Variants in MTA1 observed in about 807,000 individuals in gnomAD.
MTA1 encodes the protein metastasis-associated protein MTA1.
A neutral mutation model predicts 97.0 loss-of-function variants in MTA1; 15 were observed. The observed-to-expected ratio is 0.15, with a 90% CI of 0.10 to 0.24. The LOEUF is 0.24. Ranked by LOEUF, MTA1 falls within the 10% of genes least tolerant of loss-of-function variation. The pLI is 1.00. For missense variants in MTA1, 709 were observed against 1,015.1 expected (o/e 0.70, Z 4.10); for synonymous variants, 435 against 417.5 (o/e 1.04, Z -0.51).
chr14:105,438,195 G>C (rs1368136253), intron 1 of MTA1, among the ~76,000 whole-genome samples: 1 of 152,204 alleles, frequency 6.6e-6, no homozygotes, highest in Non-Finnish European at 1.5e-5. Context: ...GGGGGCCGCT[G>C]TGGGCAGGGC....
chr14:105,461,988 G>A (rs1319967015), intron 10 of MTA1, among the ~76,000 whole-genome samples: 3 of 152,232 alleles, frequency 2.0e-5, no homozygotes, highest in African/African-American at 7.2e-5. Context: ...CTCAGACCAG[G>A]GCGGAATTTG....
intron 1 of MTA1, among the ~76,000 whole-genome samples, chr14:105,427,526 C>A (rs2082048723): frequency 6.6e-6 from 1 of 152,132 alleles, no homozygotes; most frequent in Non-Finnish European, 1.5e-5. Flanking sequence ...TTATAAAGTT[C>A]TTTGACAGAA....
intron 3 of MTA1, among the ~76,000 whole-genome samples, chr14:105,446,739 C>T (rs955220971): frequency 3.3e-5 from 5 of 152,354 alleles, no homozygotes; most frequent in Admixed American, 2.0e-4. Flanking sequence ...CCAGTGGATG[C>T]GGACGTGAGC....
chr14:105,469,848 G>C lies in MTA1; in HGVS notation c.1853G>C (p.Ser618Thr). The change falls in exon 20 of 21, where the codon AGC (serine) becomes ACC (threonine). Residue 618 changes from serine (S) to threonine (T), a missense_variant. Physicochemically the swap from Ser to Thr is moderately conservative, Grantham distance 58. This residue lies in a region of MTA1 where 388 missense variants were observed against 421.6 expected (regional missense o/e 0.92). Coordinates refer to ENST00000331320, the MANE Select transcript of MTA1 (RefSeq NM_004689.4). Reference sequence around the variant, plus strand: ...AGTGCACCCCCTCTGCAGGGACCAAGCCGGAACCTCCTGCTCAACGGGAAG... The same window carrying C: ...AGTGCACCCCCTCTGCAGGGACCAACCCGGAACCTCCTGCTCAACGGGAAG... ...NHGQARHMGP[S>T]RNLLLNGKSY... 1 of 1,606,064 alleles carries C rather than the reference G, an allele frequency of 6.2e-7. No individual in the cohort carries two copies. Among genetic ancestry groups the C allele is most frequent in the Non-Finnish European group, 8.5e-7 (1 of 1,176,980 alleles).
intron 1 of MTA1, among the ~76,000 whole-genome samples, chr14:105,429,435 A>ATGTG (rs1555422928): frequency 6.6e-5 from 9 of 136,418 alleles, no homozygotes; most frequent in Admixed American, 5.3e-4. Flanking sequence ...ACAGGCACCC[A>ATGTG]CCACCACACC....
chr14:105,463,669 G>C lies in MTA1; in HGVS notation c.1076+118G>C. On this transcript the variant is annotated intron_variant, in intron 12 of 20. Transcript: ENST00000331320. This position sits in a 1 kb window ranked among gnomAD's most constrained non-coding sequence, Gnocchi z 5.9. ...TCAAGCTCAGAGGCTGGGAAAGTTG[G>C]GGCAGCCCCCGGGAGGGCGGCCCAG... The C allele has an allele frequency of 9.1e-7, 1 of 1,095,516 alleles. No individual in the cohort carries two copies. The highest frequency in any genetic ancestry group is 1.4e-6 in the Non-Finnish European group (1 of 737,078). The allele number at this position is 1,095,516 out of a possible 1,614,324, so 67.9% of individuals were successfully genotyped here. A position where few individuals can be genotyped will look rare whatever the true frequency, so the allele number is the denominator to read the frequency against.
chr14:105,453,798 C>T (rs2083036926), intron 6 of MTA1, among the ~76,000 whole-genome samples: 2 of 152,170 alleles, frequency 1.3e-5, no homozygotes, highest in African/African-American at 2.4e-5. Flanking sequence ...GCGACAAGAG[C>T]GAAACTCTGC....
chr14:105,464,009 C>T (rs199898053), intron 12 of MTA1, 23 bp from the exon 13 acceptor site: 20 of 1,610,444 alleles, frequency 1.2e-5, no homozygotes, highest in East Asian at 4.5e-5. Context: ...CAACTCCTCT[C>T]GTCTCTCCTT....
chr14:105,433,468 C>T (rs587708835), intron 1 of MTA1, among the ~76,000 whole-genome samples: 1 of 152,250 alleles, frequency 6.6e-6, no homozygotes, highest in African/African-American at 2.4e-5. Flanking sequence ...TGTTGGCAGG[C>T]AGGATGCTCC....
chr14:105,419,969 A>G lies in MTA1; in HGVS notation c.-67A>G. ...CCCCCGCCCCCGCCATCGCGCCTCC[A>G]TTTTCCCGGCCGCCCGCGCCGAGCG... On this transcript the variant is annotated 5_prime_UTR_variant, in exon 1 of 21. Coordinates refer to ENST00000331320, the MANE Select transcript of MTA1 (RefSeq NM_004689.4). 1.2e-6 allele frequency: 1 copy of G among 808,010 alleles called. No homozygotes were observed. The highest frequency in any genetic ancestry group is 1.4e-6 in the Non-Finnish European group (1 of 690,064). 50.1% of individuals were successfully genotyped at this position (808,010 alleles called of 1,614,324 possible). A position where few individuals can be genotyped will look rare whatever the true frequency, so the allele number is the denominator to read the frequency against.
At position 105,445,411 on chromosome 14, in the gene MTA1, G is replaced by A. The variant is rs1595344856; in HGVS notation, c.97-7G>A. On this transcript the variant is annotated splice_region_variant and splice_polypyrimidine_tract_variant and intron_variant, in intron 2 of 20. Coordinates refer to ENST00000331320, the MANE Select transcript of MTA1 (RefSeq NM_004689.4). ...GTTTCTCAGACGCCCCTGCCTTGCT[G>A]TTACAGACGGCCAATGGGAACGTGG... is the stretch of plus-strand genomic sequence containing the variant. 6.2e-7 allele frequency: 1 copy of A among 1,613,354 alleles called. No individual in the cohort carries two copies. The highest frequency in any genetic ancestry group is 8.5e-7 in the Non-Finnish European group (1 of 1,179,718).
intron 8 of MTA1, 110 bp downstream of exon 8, chr14:105,458,482 C>T: frequency 2.0e-6 from 2 of 979,488 alleles, no homozygotes; most frequent in Non-Finnish European, 3.1e-6. Context: ...CATATCCCAA[C>T]AAGAAGCCCA....
intron 2 of MTA1, among the ~76,000 whole-genome samples, chr14:105,440,112 A>G (rs2048293503): frequency 4.6e-5 from 7 of 152,194 alleles, no homozygotes; most frequent in Admixed American, 4.6e-4. Context: ...TTGGAGGCAC[A>G]GGCAATGACC....
rs1337019199 is a variant in MTA1, at chr14:105,470,481, GCGGGGCCTTTTGC to G, written c.*268_*280del. On this transcript the variant is annotated 3_prime_UTR_variant, in exon 21 of 21. Transcript: ENST00000331320. ...AGGGGCCACCCCGTGCCCCTGTGCT[GCGGGGCCTTTTGC>G]CCGGAGGCCGGGCCCTAAGGTTTTG... 2 of 408,834 alleles carry G rather than the reference GCGGGGCCTTTTGC, an allele frequency of 4.9e-6. No individual in the cohort carries two copies. The highest frequency in any genetic ancestry group is 9.1e-5 in the East Asian group (2 of 21,974). 25.3% of individuals were successfully genotyped at this position (408,834 alleles called of 1,614,324 possible).
chr14:105,422,928 C>T lies in MTA1; in HGVS notation c.28+2865C>T, dbSNP rs1198656261. On this transcript the variant is annotated intron_variant, in intron 1 of 20. Coordinates refer to ENST00000331320, the MANE Select transcript of MTA1 (RefSeq NM_004689.4). This position sits in a 1 kb window ranked among gnomAD's most constrained non-coding sequence, Gnocchi z 4.3. ...TGGCGGGGTCAGGGTTCCCTGACCT[C>T]TGCTTCTCAAGGGTTGTCCATCCCG... Among the ~76,000 whole-genome samples the T allele has an allele frequency of 6.6e-6, 1 of 152,176 alleles. No individual in the cohort carries two copies. The highest frequency in any genetic ancestry group is 1.5e-5 in the Non-Finnish European group (1 of 68,026).
At chr14:105,421,127 A>G (rs587670404) in intron 1 of MTA1, among the ~76,000 whole-genome samples, 101 of 151,932 alleles carry the variant, frequency 6.6e-4, no homozygotes, top group Non-Finnish European at 1.2e-3. Context: ...GGAGCCCCCT[A>G]CATCCCGTCT....
chr14:105,434,198 G>A (rs1440400589), intron 1 of MTA1, among the ~76,000 whole-genome samples: 1 of 152,130 alleles, frequency 6.6e-6, no homozygotes, highest in Non-Finnish European at 1.5e-5. Flanking sequence ...GTGGCCTCTT[G>A]GCCTGCACAG....
intron 6 of MTA1, among the ~76,000 whole-genome samples, chr14:105,450,958 G>C (rs587599103): frequency 6.6e-6 from 1 of 152,330 alleles, no homozygotes; most frequent in African/African-American, 2.4e-5. Context: ...AGCGTCTGGA[G>C]TGTGTTGGTT....
At chr14:105,427,074 A>G (rs10144583) in intron 1 of MTA1, among the ~76,000 whole-genome samples, 143,418 of 152,284 alleles carry the variant, frequency 0.94, 68,160 homozygotes, top group East Asian at 1. Flanking sequence ...GCCCTGCCGC[A>G]CAGCTCTTGT....
Sources: gnomAD v4.1 joint callset for allele counts (sites outside exome capture counted in the v4.1 genomes callset) on GRCh38, gnomAD v4.1.1 for gene constraint, gnomAD v4.1.1 regional missense constraint, Gnocchi (gnomAD v3.1) non-coding constraint, MANE v1.5 for transcripts, NCBI Gene and HGNC (gene_info 2026-07-23, HGNC 2026-07-21) for gene names.